SPEG: variants seen among roughly 807,000 people sequenced by gnomAD.
The protein encoded by SPEG is striated muscle enriched protein kinase, also known as striated muscle preferentially expressed protein kinase.
SPEG carries 114 observed loss-of-function variants against 300.4 expected under a neutral mutation model. The observed-to-expected ratio is 0.38, with a 90% CI of 0.33 to 0.44. SPEG has a LOEUF of 0.44. Among genes scored for constraint, SPEG ranks in the 20% least tolerant of loss-of-function variants. SPEG has a pLI of 1.00. For synonymous variants in SPEG, 1,964 were observed against 2,018.9 expected, an observed-to-expected ratio of 0.97 and a Z score of 0.73; for missense variants, 4,201 against 4,586.2, an observed-to-expected ratio of 0.92 and a Z score of 2.43.
At position 219,464,798 on chromosome 2, in the gene SPEG, G is replaced by C. The variant is rs1055987376; in HGVS notation, c.2881+190G>C. 5.1e-6 allele frequency: 3 copies of C among 593,040 alleles called. No individual in the cohort carries two copies. The Admixed American group carries it at 9.0e-5, about 18-fold the overall frequency. The allele number at this position is 593,040 out of a possible 1,614,324, so 36.7% of individuals were successfully genotyped here. A position where few individuals can be genotyped will look rare whatever the true frequency, so the allele number is the denominator to read the frequency against. On this transcript the variant is annotated intron_variant, in intron 9 of 40. Transcript: ENST00000312358. This position sits in a 1 kb window ranked among gnomAD's most constrained non-coding sequence, Gnocchi z 4.5. ...GACAGGAAGTGACCTGCCCAAAGCT[G>C]CACAGCACATTGTTCCGTGCTCAGC...
rs1693912616 is a variant in SPEG, at chr2:219,490,935, A to G, written c.9364A>G (p.Thr3122Ala). The change falls in exon 38 of 41, where the codon ACG (threonine) becomes GCG (alanine). Residue 3122 changes from threonine to alanine, a missense_variant. By Grantham distance (58) the Thr-to-Ala change is moderately conservative. This residue lies in a region of SPEG where 318 missense variants were observed against 429.5 expected (regional missense o/e 0.74). Transcript: ENST00000312358. ...GGCCCTTAGGCCCCTTGGCCACCGC[A>G]CGGGCACGCTGGAGTTCATGGGTGA... ...PQALRPLGHR[T>A]GTLEFMAPEM... 1 of 1,613,052 alleles carries G rather than the reference A, an allele frequency of 6.2e-7. No individual in the cohort carries two copies. The highest frequency in any genetic ancestry group is 2.2e-5 in the East Asian group (1 of 44,884).
intron 9 of SPEG, chr2:219,465,916 TGTGTGTGCGCGC>T (rs1298554611): frequency 3.3e-5 from 23 of 701,772 alleles, no homozygotes; most frequent in African/African-American, 7.0e-5. Context: ...TGCATGCGTG[TGTGTGTGCGCGC>T]GTGTGCGTGC....
At position 219,444,111 on chromosome 2, in the gene SPEG, G is replaced by A. The variant is rs1277907879; in HGVS notation, c.389-542G>A. Reference sequence around the variant, plus strand: ...CCCCGCATCCCCCCCTTTCCCACCCGGCCCCGGCCTCTCCTCACCCTGCCT... The same window carrying A: ...CCCCGCATCCCCCCCTTTCCCACCCAGCCCCGGCCTCTCCTCACCCTGCCT... On this transcript the variant is annotated intron_variant, in intron 1 of 40. Coordinates refer to ENST00000312358, the MANE Select transcript of SPEG (RefSeq NM_005876.5). The surrounding 1 kb of genome is among the most constrained non-coding windows in gnomAD (Gnocchi z 7.8). 3.6e-5 allele frequency: 45 copies of A among 1,263,484 alleles called. No homozygotes were observed. The Admixed American group carries it at 4.4e-4, about 12-fold the overall frequency. The allele number at this position is 1,263,484 out of a possible 1,614,324, so 78.3% of individuals were successfully genotyped here. A position where few individuals can be genotyped will look rare whatever the true frequency, so the allele number is the denominator to read the frequency against.
intron 6 of SPEG, among the ~76,000 whole-genome samples, chr2:219,452,814 G>A (rs1689870079): frequency 6.6e-6 from 1 of 152,178 alleles, no homozygotes; most frequent in Non-Finnish European, 1.5e-5. Context: ...AGTGCTGCAG[G>A]AGACAAGATG....
intron 38 of SPEG, 52 bp from the exon 39 acceptor site, chr2:219,491,742 C>T (rs1693991581): frequency 6.7e-7 from 1 of 1,502,696 alleles, no homozygotes; most frequent in African/African-American, 1.4e-5. Flanking sequence ...CCCCCGCCCC[C>T]ACTTCCCTGC....
At position 219,477,218 on chromosome 2, in the gene SPEG, C is replaced by CTGGTACAGCGGCTCA; in HGVS notation, c.4561-56_4561-55insTACAGCGGCTCATGG. ...GCTGCCCAGAGTAGGAGATGAGGCCCTGGCCCCAAGGTAGAGATGAGGCCA... is the reference window on the plus strand; with the variant it reads ...GCTGCCCAGAGTAGGAGATGAGGCCCTGGTACAGCGGCTCATGGCCCCAAGGTAGAGATGAGGCCA... On this transcript the variant is annotated intron_variant, in intron 19 of 40. Transcript: ENST00000312358. This position sits in a 1 kb window ranked among gnomAD's most constrained non-coding sequence, Gnocchi z 6.4. 2.2e-6 allele frequency: 1 copy of CTGGTACAGCGGCTCA among 461,766 alleles called. No homozygotes were observed. The highest frequency in any genetic ancestry group is 3.2e-6 in the Non-Finnish European group (1 of 313,904). The allele number at this position is 461,766 out of a possible 1,614,324, so 28.6% of individuals were successfully genotyped here.
chr2:219,444,828 G>A lies in SPEG; in HGVS notation c.482G>A (p.Gly161Asp), dbSNP rs1412160957. Reference sequence around the variant, plus strand: ...CTCACGGTGCTCCTTTCTCTAGGGGGTTCTGACACCCTGGTGGGCACCTCC... The same window carrying A: ...CTCACGGTGCTCCTTTCTCTAGGGGATTCTGACACCCTGGTGGGCACCTCC... ...DDGAFSTPTG[G>D]SDTLVGTSLD... Residue 161 changes from glycine to aspartate, a missense_variant, in exon 3 of 41, where the codon GGT becomes GAT. This residue lies in a region of SPEG where 1,258 missense variants were observed against 1,293.9 expected (regional missense o/e 0.97). Transcript: ENST00000312358. The surrounding 1 kb of genome is among the most constrained non-coding windows in gnomAD (Gnocchi z 7.8). The A allele has an allele frequency of 3.8e-6, 6 of 1,591,726 alleles. No individual in the cohort carries two copies. In the East Asian group the frequency reaches 1.1e-4, roughly 30 times the overall value.
chr2:219,488,258 C>T lies in SPEG; in HGVS notation c.7806C>T (p.Thr2602=). Reference sequence around the variant, plus strand: ...TGCTGCTGGAGGGGGAGGCAGCCACCCTGCTCTGCCTGCCAGCGGCCTGCC... The same window carrying T: ...TGCTGCTGGAGGGGGAGGCAGCCACTCTGCTCTGCCTGCCAGCGGCCTGCC... The part of the protein sequence containing the change: ...DQVLLEGEAA[T]LLCLPAACPA... Residue 2602 remains threonine, a synonymous_variant, in exon 32 of 41, where the codon ACC becomes ACT. Coordinates refer to ENST00000312358, the MANE Select transcript of SPEG (RefSeq NM_005876.5). The T allele has an allele frequency of 1.2e-6, 2 of 1,613,554 alleles. No individual in the cohort carries two copies. Among genetic ancestry groups the T allele is most frequent in the South Asian group, 1.1e-5 (1 of 91,022 alleles).
At chr2:219,492,361 T>C in intron 40 of SPEG, 101 bp downstream of exon 40, 1 of 1,362,426 alleles carries the variant, frequency 7.3e-7, no homozygotes, top group Non-Finnish European at 1.0e-6. Flanking sequence ...GGAAGAAGTC[T>C]GCTGCTTCTA....
Position 219,459,302 on chromosome 2 carries a change from G to A in SPEG, c.2441-2580G>A, listed in dbSNP as rs1007780979. Among the ~76,000 whole-genome samples the A allele has an allele frequency of 1.1e-4, 16 of 152,222 alleles. No individual in the cohort carries two copies. The highest frequency in any genetic ancestry group is 3.6e-4 in the African/African-American group (15 of 41,462). ...TTGCCACAGTGAGAGTTGGGCTTGT[G>A]GGTGCAGCAGGGCTGGGATGTCAGG... On this transcript the variant is annotated intron_variant, in intron 6 of 40. Transcript: ENST00000312358. The surrounding 1 kb of genome is among the most constrained non-coding windows in gnomAD (Gnocchi z 4.9).
Position 219,464,776 on chromosome 2 carries a change from A to G in SPEG, c.2881+168A>G, listed in dbSNP as rs1691103310. ...GTTGAGTGAACCAAAGCCCAGAGAC[A>G]GGAAGTGACCTGCCCAAAGCTGCAC... On this transcript the variant is annotated intron_variant, in intron 9 of 40. Coordinates refer to ENST00000312358, the MANE Select transcript of SPEG (RefSeq NM_005876.5). The surrounding 1 kb of genome is among the most constrained non-coding windows in gnomAD (Gnocchi z 4.5). 2 of 628,406 alleles carry G rather than the reference A, an allele frequency of 3.2e-6. No homozygotes were observed. Among genetic ancestry groups the G allele is most frequent in the South Asian group, 2.0e-5 (1 of 50,934 alleles). The allele number at this position is 628,406 out of a possible 1,614,324, so 38.9% of individuals were successfully genotyped here.
At position 219,481,511 on chromosome 2, in the gene SPEG, C is replaced by A. The variant is rs1166374225; in HGVS notation, c.5522+55C>A. On this transcript the variant is annotated intron_variant, in intron 27 of 40. Coordinates refer to ENST00000312358, the MANE Select transcript of SPEG (RefSeq NM_005876.5). The surrounding 1 kb of genome is among the most constrained non-coding windows in gnomAD (Gnocchi z 5.4). ...TGCAGGGTCACCCTCATACCACCTG[C>A]CTGCTACTCCCAAACTCCTGCCCCT... is the stretch of plus-strand genomic sequence containing the variant. 5 of 1,607,764 alleles carry A rather than the reference C, an allele frequency of 3.1e-6. No homozygotes were observed. In the African/African-American group the frequency reaches 6.7e-5, roughly 21 times the overall value.
Position 219,445,547 on chromosome 2 carries a change from T to C in SPEG, c.815+386T>C, listed in dbSNP as rs1559366271. On this transcript the variant is annotated intron_variant, in intron 3 of 40. Transcript: ENST00000312358. The surrounding 1 kb of genome is among the most constrained non-coding windows in gnomAD (Gnocchi z 6.1). ...TGGTGCCTGCTGTCTCAGCAGCTGC[T>C]GCCTTTTCATCTCTCTGCACATTCC... The C allele has an allele frequency of 6.4e-6, 2 of 314,466 alleles. No individual in the cohort carries two copies. The highest frequency in any genetic ancestry group is 3.4e-5 in the South Asian group (1 of 29,022). 19.5% of individuals were successfully genotyped at this position (314,466 alleles called of 1,614,324 possible). A position where few individuals can be genotyped will look rare whatever the true frequency, so the allele number is the denominator to read the frequency against.
chr2:219,482,686 T>C (rs2125547966), intron 28 of SPEG, 98 bp from the exon 29 acceptor site: 1 of 1,067,630 alleles, frequency 9.4e-7, no homozygotes, highest in East Asian at 2.5e-5. Context: ...ATCCACTCTC[T>C]CCTGCCACCC....
intron 6 of SPEG, chr2:219,461,496 C>G (rs1237200325): frequency 6.5e-6 from 7 of 1,083,184 alleles, no homozygotes; most frequent in Non-Finnish European, 7.8e-6. Flanking sequence ...AGACCTGCTT[C>G]CCCTGCTTTT....
Position 219,473,358 on chromosome 2 carries a change from C to A in SPEG, c.4148-146C>A. On this transcript the variant is annotated intron_variant, in intron 16 of 40. Coordinates refer to ENST00000312358, the MANE Select transcript of SPEG (RefSeq NM_005876.5). The surrounding 1 kb of genome is among the most constrained non-coding windows in gnomAD (Gnocchi z 4.6). Reference sequence around the variant, plus strand: ...TTTGCTGCTCTCTGGCTGTGTTCCCCTGACAAATCGCTAAACCTCTCTGAG... The same window carrying A: ...TTTGCTGCTCTCTGGCTGTGTTCCCATGACAAATCGCTAAACCTCTCTGAG... The A allele has an allele frequency of 1.1e-6, 1 of 888,234 alleles. No individual in the cohort carries two copies. The highest frequency in any genetic ancestry group is 1.7e-6 in the Non-Finnish European group (1 of 576,946). The allele number at this position is 888,234 out of a possible 1,614,324, so 55.0% of individuals were successfully genotyped here.
Position 219,445,406 on chromosome 2 carries a change from C to T in SPEG, c.815+245C>T. The T allele has an allele frequency of 1.8e-6, 1 of 550,854 alleles. No homozygotes were observed. The highest frequency in any genetic ancestry group is 3.2e-6 in the Non-Finnish European group (1 of 309,944). The allele number at this position is 550,854 out of a possible 1,614,324, so 34.1% of individuals were successfully genotyped here. A position where few individuals can be genotyped will look rare whatever the true frequency, so the allele number is the denominator to read the frequency against. On this transcript the variant is annotated intron_variant, in intron 3 of 40. Transcript: ENST00000312358. The surrounding 1 kb of genome is among the most constrained non-coding windows in gnomAD (Gnocchi z 6.1). The stretch of plus-strand genomic sequence containing the variant: ...TGCCATCTCCATGGTCTCCTGGACC[C>T]TGCTGTCCCTTCCTTGTCTCCTCCA...
In SPEG at chr2:219,477,327, G is replaced by T; in HGVS notation, c.4611G>T (p.Glu1537Asp). The part of the protein sequence containing the change: ...ESSHVSFVYE[E>D]NECSLVVLST... ...GCCATGTGAGCTTCGTGTACGAGGA[G>T]AATGAGTGCTCCCTGGTGGTGCTCA... The change falls in exon 20 of 41, where the codon GAG (glutamate) becomes GAT (aspartate). Residue 1537 changes from glutamate (E) to aspartate (D), a missense_variant. This residue lies in a region of SPEG where 1,047 missense variants were observed against 1,356.8 expected (regional missense o/e 0.77). Coordinates refer to ENST00000312358, the MANE Select transcript of SPEG (RefSeq NM_005876.5). The surrounding 1 kb of genome is among the most constrained non-coding windows in gnomAD (Gnocchi z 6.4). 2 of 1,613,634 alleles carry T rather than the reference G, an allele frequency of 1.2e-6. No individual in the cohort carries two copies. Among genetic ancestry groups the T allele is most frequent in the Non-Finnish European group, 1.7e-6 (2 of 1,179,910 alleles).
rs1690445830 is a variant in SPEG at position 219,459,261 on chromosome 2, G to C, written c.2441-2621G>C. 6.6e-6 allele frequency among the ~76,000 whole-genome samples: 1 copy of C among 152,212 alleles called. No individual in the cohort carries two copies. The highest frequency in any genetic ancestry group is 6.5e-5 in the Admixed American group (1 of 15,284). On this transcript the variant is annotated intron_variant, in intron 6 of 40. Coordinates refer to ENST00000312358, the MANE Select transcript of SPEG (RefSeq NM_005876.5). This position sits in a 1 kb window ranked among gnomAD's most constrained non-coding sequence, Gnocchi z 4.9. ...GGGGGCACCTGCCCCCTCCTTCCTG[G>C]CTGGTGTAACTGTGTTTGCCACAGT...
Sources: gnomAD v4.1 joint callset for allele counts (sites outside exome capture counted in the v4.1 genomes callset) on GRCh38, gnomAD v4.1.1 for gene constraint, gnomAD v4.1.1 regional missense constraint, Gnocchi (gnomAD v3.1) non-coding constraint, MANE v1.5 for transcripts, NCBI Gene and HGNC (gene_info 2026-07-23, HGNC 2026-07-21) for gene names.